Variants in KCNN2 observed in about 807,000 individuals in gnomAD.
KCNN2 encodes the protein small conductance calcium-activated potassium channel protein 2.
KCNN2 carries 24 observed loss-of-function variants against 55.5 expected under a neutral mutation model. That is an observed-to-expected ratio of 0.43 (90% CI 0.31 to 0.61). The LOEUF is 0.61. KCNN2 is among the 20% of genes least tolerant of loss of function. The pLI, the probability that KCNN2 is intolerant of heterozygous loss-of-function variation, is 0.08. For synonymous variants in KCNN2, 431 were observed against 336.1 expected (o/e 1.28, Z -3.09); for missense variants, 754 against 853.6 (o/e 0.88, Z 1.45).
At chr5:114,461,384 C>T (rs1386689303) in intron 3 of KCNN2, among the ~76,000 whole-genome samples, 1 of 152,164 alleles carries the variant, frequency 6.6e-6, no homozygotes, top group African/African-American at 2.4e-5. Context: ...GTGATTTCTG[C>T]ACCTCTGCCA....
intron 1 of KCNN2, among the ~76,000 whole-genome samples, chr5:114,212,831 C>G (rs1363559015): frequency 6.6e-6 from 1 of 151,908 alleles, no homozygotes; most frequent in Non-Finnish European, 1.5e-5. Context: ...CTTGTCTTGG[C>G]CTAATTAGTA....
intron 1 of KCNN2, among the ~76,000 whole-genome samples, chr5:114,215,961 A>G (rs867114784): frequency 5.9e-5 from 9 of 152,256 alleles, no homozygotes; most frequent in South Asian, 2.1e-4. Flanking sequence ...CGATTACCCA[A>G]AGTATCCTCA....
chr5:114,162,275 C>A (rs1456417346), intron 1 of KCNN2, among the ~76,000 whole-genome samples: 1 of 152,142 alleles, frequency 6.6e-6, no homozygotes, highest in Non-Finnish European at 1.5e-5. Flanking sequence ...CACTCCAGAC[C>A]CTGTTTGCAT....
intron 1 of KCNN2, among the ~76,000 whole-genome samples, chr5:114,091,959 C>A (rs1444818110): frequency 6.6e-6 from 1 of 152,130 alleles, no homozygotes; most frequent in Non-Finnish European, 1.5e-5. Context: ...TCATTCTGCC[C>A]CTGGCCCCTT....
chr5:114,062,156 G>A (rs929647706), intron 1 of KCNN2, among the ~76,000 whole-genome samples: 1 of 151,048 alleles, frequency 6.6e-6, no homozygotes, highest in African/African-American at 2.4e-5. Flanking sequence ...GACTTGTCAC[G>A]TAGTTATAAT....
At chr5:114,143,749 G>A (rs2974472) in intron 1 of KCNN2, among the ~76,000 whole-genome samples, 21,970 of 152,102 alleles carry the variant, frequency 0.14, 2,306 homozygotes, top group African/African-American at 0.29. Flanking sequence ...ACAATCCTGC[G>A]TGCAACTTTG....
At chr5:114,082,161 C>T (rs1419344498) in intron 1 of KCNN2, among the ~76,000 whole-genome samples, 6 of 151,842 alleles carry the variant, frequency 4.0e-5, no homozygotes. Flanking sequence ...CCAATCCTAG[C>T]ATCATAGCAA....
intron 2 of KCNN2, among the ~76,000 whole-genome samples, chr5:114,348,664 C>T (rs1258027289): frequency 6.6e-6 from 1 of 152,094 alleles, no homozygotes; most frequent in Non-Finnish European, 1.5e-5. Flanking sequence ...AGCCATGATA[C>T]TATTTGGATT....
At position 114,485,193 on chromosome 5, in the gene KCNN2, T is replaced by TA. The variant is rs566732487; in HGVS notation, c.1891-1856dup. On this transcript the variant is annotated intron_variant, in intron 5 of 7. Transcript: ENST00000673685. ...GCTGTGTTTCTGACCCATTGGTTTT[T>TA]ACCTAGGGTTTTTAACTGGTTTTCC... 4.1e-3 allele frequency among the ~76,000 whole-genome samples: 632 copies of TA among 152,326 alleles called. 5 individuals are homozygous for TA. The highest frequency in any genetic ancestry group is 0.014 in the African/African-American group (600 of 41,584).
chr5:114,132,021 G>C (rs1272472912), intron 1 of KCNN2, among the ~76,000 whole-genome samples: 1 of 152,044 alleles, frequency 6.6e-6, no homozygotes, highest in Non-Finnish European at 1.5e-5. Context: ...GTAGATTCTG[G>C]ATATTAGACG....
At chr5:114,460,035 T>C (rs188129044) in intron 3 of KCNN2, among the ~76,000 whole-genome samples, 8 of 152,258 alleles carry the variant, frequency 5.3e-5, no homozygotes, top group Non-Finnish European at 1.5e-5. Context: ...CCCCCAACTC[T>C]GAAAAACATT....
intron 1 of KCNN2, among the ~76,000 whole-genome samples, chr5:114,213,511 A>C (rs1430086936): frequency 1.3e-5 from 2 of 151,106 alleles, no homozygotes; most frequent in African/African-American, 4.9e-5. Context: ...TTGTGATTTT[A>C]TAATTTGCAT....
At chr5:114,375,338 C>G (rs1757899339) in intron 2 of KCNN2, among the ~76,000 whole-genome samples, 1 of 152,066 alleles carries the variant, frequency 6.6e-6, no homozygotes, top group Non-Finnish European at 1.5e-5. Context: ...TAATAGTAAT[C>G]TGATGCTTTT....
At chr5:114,133,491 T>C (rs966244538) in intron 1 of KCNN2, among the ~76,000 whole-genome samples, 5 of 152,208 alleles carry the variant, frequency 3.3e-5, no homozygotes, top group African/African-American at 4.8e-5. Context: ...ACTCTGTGTG[T>C]TACCTGGGCC....
At chr5:114,434,117 TATTA>T (rs1287341970) in intron 3 of KCNN2, among the ~76,000 whole-genome samples, 1 of 152,218 alleles carries the variant, frequency 6.6e-6, no homozygotes, top group African/African-American at 2.4e-5. Context: ...ATTTCTGCAG[TATTA>T]ATTGAGCATA....
intron 1 of KCNN2, among the ~76,000 whole-genome samples, chr5:114,155,098 CTCA>C (rs1752602755): frequency 6.6e-6 from 1 of 152,046 alleles, no homozygotes; most frequent in Non-Finnish European, 1.5e-5. Flanking sequence ...TCCGTGTGTT[CTCA>C]TCATTTAGCT....
In KCNN2 at chr5:114,088,243, T is replaced by C. The variant is rs552508339; in HGVS notation, c.-271+31743T>C. On this transcript the variant is annotated intron_variant, in intron 1 of 10. Coordinates refer to the KCNN2 transcript ENST00000512097. ...CTTCTGAAATGATGTAGGGCTGTGA[T>C]TCTTATCTTTGGTCTCCTAAAAGTA... Among the ~76,000 whole-genome samples, 13 of 152,324 alleles carry C rather than the reference T, an allele frequency of 8.5e-5. No homozygotes were observed. The East Asian group carries it at 2.5e-3, about 29-fold the overall frequency.
chr5:114,141,183 A>G (rs987137660), intron 1 of KCNN2, among the ~76,000 whole-genome samples: 16 of 152,086 alleles, frequency 1.1e-4, no homozygotes, highest in African/African-American at 3.4e-4. Flanking sequence ...CACAATGTGC[A>G]GGTTTGTTAC....
At chr5:114,256,179 C>G (rs116570763) in intron 2 of KCNN2, among the ~76,000 whole-genome samples, 1 of 151,972 alleles carries the variant, frequency 6.6e-6, no homozygotes, top group Non-Finnish European at 1.5e-5. Context: ...GATGTGACTT[C>G]GTTATTTTTC....
Sources: gnomAD v4.1 joint callset for allele counts (sites outside exome capture counted in the v4.1 genomes callset) on GRCh38, gnomAD v4.1.1 for gene constraint, MANE v1.5 for transcripts, NCBI Gene and HGNC (gene_info 2026-07-23, HGNC 2026-07-21) for gene names.